The following NAALADL2 variants were observed in gnomAD, a reference collection of about 807,000 sequenced individuals.
NAALADL2 encodes the protein inactive N-acetylated-alpha-linked acidic dipeptidase-like protein 2.
Under a neutral mutation model 87.2 loss-of-function variants are expected in NAALADL2, and 76 were observed. The observed-to-expected ratio is 0.87, with a 90% CI of 0.72 to 1.05. NAALADL2 has a LOEUF of 1.05. NAALADL2 is among the 50% of genes least tolerant of loss of function. NAALADL2 has a pLI of 0.00. For missense variants in NAALADL2, 1,089 were observed against 945.8 expected, an observed-to-expected ratio of 1.15 and a Z score of -1.99; for synonymous variants, 354 against 331.0, an observed-to-expected ratio of 1.07 and a Z score of -0.75.
intron 4 of NAALADL2, among the ~76,000 whole-genome samples, chr3:175,258,714 G>T (rs1750504921): frequency 6.6e-6 from 1 of 152,138 alleles, no homozygotes; most frequent in Non-Finnish European, 1.5e-5. Flanking sequence ...GGGCTTCAAT[G>T]GAACCACATG....
chr3:175,237,271 A>G (rs1324883711), intron 3 of NAALADL2, among the ~76,000 whole-genome samples: 1 of 152,054 alleles, frequency 6.6e-6, no homozygotes, highest in African/African-American at 2.4e-5. Context: ...GTTTATAGGG[A>G]CCCTATAATT....
chr3:174,922,776 A>C (rs372105144), intron 1 of NAALADL2, among the ~76,000 whole-genome samples: 3 of 152,282 alleles, frequency 2.0e-5, no homozygotes, highest in African/African-American at 4.8e-5. Flanking sequence ...TTTCCACAAC[A>C]ACACTACTAA....
chr3:175,191,312 A>G lies in NAALADL2; in HGVS notation c.546-42619A>G, dbSNP rs565764656. ...CAGGCACATTCAAATAGTTGAGGCA[A>G]TAAAAACTGAATATAGTCAAGTAAT... On this transcript the variant is annotated intron_variant, in intron 2 of 13. Transcript: ENST00000454872. Among the ~76,000 whole-genome samples the G allele has an allele frequency of 9.2e-5, 14 of 152,346 alleles. No homozygotes were observed. In the South Asian group the frequency reaches 2.9e-3, roughly 32 times the overall value.
intron 1 of NAALADL2, among the ~76,000 whole-genome samples, chr3:174,446,168 T>A (rs1333218803): frequency 6.6e-6 from 1 of 152,156 alleles, no homozygotes; most frequent in African/African-American, 2.4e-5. Flanking sequence ...TAGACTTTCA[T>A]CATATTGGGA....
At chr3:174,604,956 T>TTGA (rs1210887585) in intron 2 of NAALADL2, among the ~76,000 whole-genome samples, 1 of 151,856 alleles carries the variant, frequency 6.6e-6, no homozygotes, top group Non-Finnish European at 1.5e-5. Flanking sequence ...TTTCACAATA[T>TTGA]TGTCCAGGCT....
intron 3 of NAALADL2, among the ~76,000 whole-genome samples, chr3:174,762,736 A>C (rs1713194909): frequency 6.6e-6 from 1 of 152,136 alleles, no homozygotes; most frequent in Non-Finnish European, 1.5e-5. Context: ...AGCATACTAA[A>C]ACTTACTATT....
At chr3:175,396,333 TA>T (rs201383923) in intron 5 of NAALADL2, among the ~76,000 whole-genome samples, 3 of 152,144 alleles carry the variant, frequency 2.0e-5, no homozygotes, top group African/African-American at 7.2e-5. Context: ...AAAACCAGAT[TA>T]AAAATTAAAA....
At chr3:175,089,321 G>A (rs545577408) in intron 1 of NAALADL2, among the ~76,000 whole-genome samples, 46 of 152,272 alleles carry the variant, frequency 3.0e-4, no homozygotes, top group Middle Eastern at 3.4e-3. Context: ...AAGCCAATAA[G>A]ATGCATTTGC....
At chr3:175,432,133 CTT>C (rs1424344835) in intron 5 of NAALADL2, among the ~76,000 whole-genome samples, 1 of 152,022 alleles carries the variant, frequency 6.6e-6, no homozygotes, top group African/African-American at 2.4e-5. Flanking sequence ...CCATATGACT[CTT>C]AGCATTACAT....
At chr3:174,739,502 T>C (rs1036903958) in intron 3 of NAALADL2, among the ~76,000 whole-genome samples, 6 of 152,092 alleles carry the variant, frequency 3.9e-5, no homozygotes, top group African/African-American at 9.7e-5. Context: ...TTATTACTTA[T>C]AGAGCTTTTC....
intron 5 of NAALADL2, among the ~76,000 whole-genome samples, chr3:175,403,327 C>T (rs1300325382): frequency 6.6e-6 from 1 of 151,924 alleles, no homozygotes; most frequent in Non-Finnish European, 1.5e-5. Context: ...TGAATTGTCC[C>T]TTGGAAGTAG....
In NAALADL2 at chr3:175,591,784, GTATATATA is replaced by G. The variant is rs57196350; in HGVS notation, c.1800+15633_1800+15640del. Among the ~76,000 whole-genome samples the G allele has an allele frequency of 5.2e-3, 706 of 136,940 alleles. 2 individuals carry two copies. Among genetic ancestry groups the G allele is most frequent in the African/African-American group, 0.012 (419 of 35,902 alleles). 89.8% of individuals were successfully genotyped at this position (136,940 alleles called of 152,430 possible). A position where few individuals can be genotyped will look rare whatever the true frequency, so the allele number is the denominator to read the frequency against. ...GCGCATGTGGTGTGTGTGTGTGTGT[GTATATATA>G]TATATATATATATATATATATATAT... On this transcript the variant is annotated intron_variant, in intron 10 of 13. Coordinates refer to ENST00000454872, the MANE Select transcript of NAALADL2 (RefSeq NM_207015.3).
At chr3:175,452,726 G>A (rs935209536) in intron 6 of NAALADL2, among the ~76,000 whole-genome samples, 2 of 152,114 alleles carry the variant, frequency 1.3e-5, no homozygotes, top group Admixed American at 6.6e-5. Context: ...GGAGTATTCC[G>A]TAGAACTAAA....
chr3:174,575,963 A>C (rs1715484573), intron 2 of NAALADL2, among the ~76,000 whole-genome samples: 1 of 152,144 alleles, frequency 6.6e-6, no homozygotes, highest in Non-Finnish European at 1.5e-5. Context: ...TCCCGGGTTA[A>C]AGCGATGATC....
chr3:174,807,386 T>C (rs1030785225), intron 3 of NAALADL2, among the ~76,000 whole-genome samples: 12 of 152,140 alleles, frequency 7.9e-5, no homozygotes, highest in African/African-American at 2.7e-4. Context: ...TACGATGCAC[T>C]TAGCCGTGTC....
At chr3:174,450,701 C>T (rs568418641) in intron 1 of NAALADL2, among the ~76,000 whole-genome samples, 34 of 151,962 alleles carry the variant, frequency 2.2e-4, no homozygotes, top group Non-Finnish European at 4.1e-4. Flanking sequence ...GAAACCCCGT[C>T]TCCACTAAAA....
chr3:174,828,276 C>T (rs1224828167), intron 3 of NAALADL2, among the ~76,000 whole-genome samples: 2 of 152,222 alleles, frequency 1.3e-5, no homozygotes, highest in Admixed American at 6.5e-5. Flanking sequence ...AGCTGCTCTT[C>T]ACTTCTTTCC....
chr3:175,582,340 G>A (rs1719911731), intron 10 of NAALADL2, among the ~76,000 whole-genome samples: 1 of 152,094 alleles, frequency 6.6e-6, no homozygotes, highest in Non-Finnish European at 1.5e-5. Context: ...CTTTCCCTTA[G>A]CAGTTGTCCT....
At chr3:175,674,377 A>C (rs1226905971) in intron 11 of NAALADL2, among the ~76,000 whole-genome samples, 2 of 151,728 alleles carry the variant, frequency 1.3e-5, no homozygotes, top group Middle Eastern at 3.4e-3. Context: ...CTCCTGCCTC[A>C]GCCTTCCGAG....
Sources: gnomAD v4.1 joint callset for allele counts (sites outside exome capture counted in the v4.1 genomes callset) on GRCh38, gnomAD v4.1.1 for gene constraint, MANE v1.5 for transcripts, NCBI Gene and HGNC (gene_info 2026-07-23, HGNC 2026-07-21) for gene names.